Variants in NKAIN2 observed in about 807,000 individuals in gnomAD.
NKAIN2 encodes sodium/potassium transporting ATPase interacting 2.
A neutral mutation model predicts 32.6 loss-of-function variants in NKAIN2; 14 were observed. The observed-to-expected ratio is 0.43, with a 90% CI of 0.28 to 0.67. NKAIN2 has a LOEUF of 0.67. NKAIN2 is among the 30% of genes least tolerant of loss of function. The pLI, the probability that NKAIN2 is intolerant of heterozygous loss-of-function variation, is 0.17. For synonymous variants in NKAIN2, 80 were observed against 87.2 expected, an observed-to-expected ratio of 0.92 and a Z score of 0.46; for missense variants, 198 against 258.3, an observed-to-expected ratio of 0.77 and a Z score of 1.60.
chr6:124,081,712 C>G (rs952598174), intron 1 of NKAIN2, among the ~76,000 whole-genome samples: 6 of 151,868 alleles, frequency 4.0e-5, no homozygotes, highest in Non-Finnish European at 7.4e-5. Flanking sequence ...TATTGGGAAT[C>G]AAAATTCTGA....
chr6:124,253,421 G>A (rs1320091775), intron 1 of NKAIN2, among the ~76,000 whole-genome samples: 2 of 152,090 alleles, frequency 1.3e-5, no homozygotes, highest in Admixed American at 1.3e-4. Flanking sequence ...TAGTGATGAT[G>A]TTATTTATCT....
At chr6:124,567,883 C>G (rs1343511004) in intron 3 of NKAIN2, among the ~76,000 whole-genome samples, 1 of 152,132 alleles carries the variant, frequency 6.6e-6, no homozygotes, top group East Asian at 1.9e-4. Flanking sequence ...ATTTTACCCA[C>G]AGCCCATAGT....
intron 1 of NKAIN2, among the ~76,000 whole-genome samples, chr6:123,929,590 T>C (rs1776161636): frequency 3.3e-5 from 5 of 152,300 alleles, no homozygotes; most frequent in Admixed American, 2.6e-4. Flanking sequence ...GCAGCCTAAA[T>C]GATAAATCTA....
intron 2 of NKAIN2, among the ~76,000 whole-genome samples, chr6:124,341,638 G>T (rs748381814): frequency 1.3e-5 from 2 of 152,124 alleles, no homozygotes; most frequent in Non-Finnish European, 2.9e-5. Context: ...GATAAAAAAT[G>T]AGAAGGTAGA....
chr6:123,938,828 G>A (rs934312984), intron 1 of NKAIN2, among the ~76,000 whole-genome samples: 36 of 151,458 alleles, frequency 2.4e-4, no homozygotes, highest in Admixed American at 1.0e-3. Flanking sequence ...GTTTGTGAAG[G>A]AACAGTGGAC....
intron 5 of NKAIN2, among the ~76,000 whole-genome samples, chr6:124,815,344 G>A (rs1054619421): frequency 2.7e-5 from 4 of 149,976 alleles, no homozygotes; most frequent in Non-Finnish European, 5.9e-5. Context: ...CATGATCTCT[G>A]CTCATTGAAA....
At chr6:124,501,473 C>T (rs759728270) in intron 3 of NKAIN2, among the ~76,000 whole-genome samples, 2 of 152,272 alleles carry the variant, frequency 1.3e-5, no homozygotes, top group South Asian at 2.1e-4. Flanking sequence ...AAACATTTCG[C>T]GGTGTTAATG....
chr6:124,625,684 C>T (rs1562291483), intron 3 of NKAIN2, among the ~76,000 whole-genome samples: 3 of 140,280 alleles, frequency 2.1e-5, no homozygotes. Flanking sequence ...TGAGCACCTA[C>T]TTTGTGCTGA....
chr6:123,900,219 C>T (rs1774492766), intron 1 of NKAIN2, among the ~76,000 whole-genome samples: 1 of 152,092 alleles, frequency 6.6e-6, no homozygotes, highest in South Asian at 2.1e-4. Flanking sequence ...TGTCTGTAAT[C>T]CCAGCACTTT....
chr6:124,769,803 AC>A (rs1007505366), intron 4 of NKAIN2, among the ~76,000 whole-genome samples: 1 of 152,168 alleles, frequency 6.6e-6, no homozygotes, highest in Non-Finnish European at 1.5e-5. Flanking sequence ...TAAAAATCAA[AC>A]CCTTAATCCT....
chr6:124,502,779 C>T (rs1259275610), intron 3 of NKAIN2, among the ~76,000 whole-genome samples: 1 of 152,048 alleles, frequency 6.6e-6, no homozygotes, highest in Non-Finnish European at 1.5e-5. Context: ...AGACTTTAGG[C>T]TTGTGTGTAC....
At chr6:124,322,724 T>C (rs937210476) in intron 2 of NKAIN2, among the ~76,000 whole-genome samples, 5 of 152,186 alleles carry the variant, frequency 3.3e-5, no homozygotes, top group Admixed American at 2.6e-4. Context: ...TGTGAACAAT[T>C]ATGTAGAGAT....
At chr6:124,526,585 T>G (rs1447873189) in intron 3 of NKAIN2, among the ~76,000 whole-genome samples, 1 of 152,076 alleles carries the variant, frequency 6.6e-6, no homozygotes, top group Non-Finnish European at 1.5e-5. Flanking sequence ...ATGGGTTATC[T>G]CTCATGGACT....
chr6:124,202,249 T>C (rs1790628611), intron 1 of NKAIN2, among the ~76,000 whole-genome samples: 1 of 151,994 alleles, frequency 6.6e-6, no homozygotes, highest in Non-Finnish European at 1.5e-5. Flanking sequence ...AATATATTAC[T>C]TTATTCTGTA....
At chr6:124,795,775 G>C (rs908542249) in intron 5 of NKAIN2, among the ~76,000 whole-genome samples, 9 of 151,920 alleles carry the variant, frequency 5.9e-5, no homozygotes, top group African/African-American at 2.2e-4. Context: ...AGCCTTCCGG[G>C]GCCTCTTTTA....
intron 1 of NKAIN2, among the ~76,000 whole-genome samples, chr6:124,069,698 G>A (rs933630326): frequency 6.6e-6 from 1 of 152,122 alleles, no homozygotes; most frequent in Non-Finnish European, 1.5e-5. Context: ...GAATGAATGA[G>A]GGCCATGCAT....
At chr6:124,481,188 T>C (rs2785710) in intron 3 of NKAIN2, among the ~76,000 whole-genome samples, 102,826 of 144,782 alleles carry the variant, frequency 0.71, 36,723 homozygotes, top group East Asian at 0.85. Flanking sequence ...TTTTTTTTTT[T>C]CACAGTGGAA....
At chr6:123,887,293 C>G (rs1219263902) in intron 1 of NKAIN2, among the ~76,000 whole-genome samples, 1 of 152,114 alleles carries the variant, frequency 6.6e-6, no homozygotes, top group East Asian at 1.9e-4. Flanking sequence ...GAGGTCTACA[C>G]TCAGATATGA....
intron 1 of NKAIN2, among the ~76,000 whole-genome samples, chr6:123,859,504 C>T (rs1775696403): frequency 6.6e-6 from 1 of 151,800 alleles, no homozygotes; most frequent in Non-Finnish European, 1.5e-5. Flanking sequence ...TTTAAAGAGG[C>T]AGCCAATTCA....
Sources: gnomAD v4.1 joint callset for allele counts (sites outside exome capture counted in the v4.1 genomes callset) on GRCh38, gnomAD v4.1.1 for gene constraint, MANE v1.5 for transcripts, NCBI Gene and HGNC (gene_info 2026-07-23, HGNC 2026-07-21) for gene names.